Variants in DEFB135 observed in about 807,000 individuals in gnomAD.
The protein encoded by DEFB135 is beta-defensin 135.
DEFB135 carries 14 observed loss-of-function variants against 8.9 expected under a neutral mutation model. The ratio of observed to expected loss-of-function variants is 1.58; its 90% CI spans 1.04 to 2.47. The LOEUF (loss-of-function observed/expected upper bound fraction) is 2.47, where lower values mean the gene tolerates loss of function less well. DEFB135 is among the 30% of genes most tolerant of loss of function. The pLI is 0.00. For missense variants in DEFB135, 135 were observed against 94.2 expected (o/e 1.43, Z -1.79); for synonymous variants, 51 against 34.5 (o/e 1.48, Z -1.67).
intron 1 of DEFB135, among the ~76,000 whole-genome samples, chr8:11,982,996 G>T (rs545394515): frequency 6.6e-6 from 1 of 152,268 alleles, no homozygotes; most frequent in East Asian, 1.9e-4. Flanking sequence ...TCTCAAAACT[G>T]TTTTGCTTGT....
Position 11,982,311 on chromosome 8 carries a change from G to A in DEFB135, c.-10G>A, listed in dbSNP as rs758028817. ...TCCGATGAGTCACAGCTGCTTCTTT[G>A]CTGATTGGTATGGCCACAAGGAGCG... On this transcript the variant is annotated 5_prime_UTR_variant, in exon 1 of 2. Transcript: ENST00000382208. 3 of 1,614,058 alleles carry A rather than the reference G, an allele frequency of 1.9e-6. No individual in the cohort carries two copies. Among genetic ancestry groups the A allele is most frequent in the Non-Finnish European group, 2.5e-6 (3 of 1,180,010 alleles).
chr8:11,982,938 A>G (rs980742899), intron 1 of DEFB135, among the ~76,000 whole-genome samples: 1 of 152,204 alleles, frequency 6.6e-6, no homozygotes, highest in Non-Finnish European at 1.5e-5. Flanking sequence ...AGAAGCCAGC[A>G]ACTTGGTGAT....
intron 1 of DEFB135, among the ~76,000 whole-genome samples, chr8:11,982,894 C>G (rs1284372806): frequency 6.6e-6 from 1 of 152,140 alleles, no homozygotes; most frequent in Non-Finnish European, 1.5e-5. Context: ...TATGAAACAT[C>G]AGTTTGAGAG....
At chr8:11,982,551 T>G (rs1799756255) in intron 1 of DEFB135, among the ~76,000 whole-genome samples, 167 bp downstream of exon 1, 1 of 152,088 alleles carries the variant, frequency 6.6e-6, no homozygotes, top group Non-Finnish European at 1.5e-5. Context: ...GGAGAAAAGA[T>G]CCAAAGGACA....
At position 11,984,453 on chromosome 8, in the gene DEFB135, A is replaced by G. The variant is rs756239255; in HGVS notation, c.97A>G (p.Ile33Val). 26 of 1,569,062 alleles carry G rather than the reference A, an allele frequency of 1.7e-5. No homozygotes were observed. The highest frequency in any genetic ancestry group is 2.3e-5 in the Non-Finnish European group (26 of 1,148,110). ...RSGPNVYIQK[I>V]FASCWRLQGT... ...TGGACCCAATGTCTACATACAAAAA[A>G]TCTTTGCTTCATGTTGGCGACTGCA... Residue 33 changes from isoleucine (I) to valine (V), a missense_variant, in exon 2 of 2, where the codon ATC becomes GTC. Coordinates refer to ENST00000382208, the MANE Select transcript of DEFB135 (RefSeq NM_001033017.3).
chr8:11,982,345 G>A lies in DEFB135; in HGVS notation c.25G>A (p.Ala9Thr). 1.2e-6 allele frequency: 2 copies of A among 1,614,154 alleles called. No homozygotes were observed. Among genetic ancestry groups the A allele is most frequent in the African/African-American group, 1.3e-5 (1 of 75,044 alleles). The change falls in exon 1 of 2, where the codon GCC (alanine) becomes ACC (threonine). Residue 9 changes from alanine to threonine, a missense_variant. Ala to Thr is a moderately conservative substitution (Grantham distance 58, BLOSUM62 0). Transcript: ENST00000382208. ...TATGGCCACAAGGAGCGTCCTCTTG[G>A]CCCTCGTGGTCCTTAACTTACTCTT... MATRSVLL[A>T]LVVLNLLFYV... is the part of the protein sequence containing the mutation.
rs759597375 is a variant in DEFB135 at position 11,982,344 on chromosome 8, G to A, written c.24G>A (p.Leu8=). Residue 8 remains leucine, a synonymous_variant, in exon 1 of 2, where the codon TTG becomes TTA. Coordinates refer to ENST00000382208, the MANE Select transcript of DEFB135 (RefSeq NM_001033017.3). The part of the protein sequence containing the change: MATRSVL[L]ALVVLNLLFY... ...GTATGGCCACAAGGAGCGTCCTCTT[G>A]GCCCTCGTGGTCCTTAACTTACTCT... 6.2e-7 allele frequency: 1 copy of A among 1,614,092 alleles called. No individual in the cohort carries two copies. Among genetic ancestry groups the A allele is most frequent in the Non-Finnish European group, 8.5e-7 (1 of 1,180,020 alleles).
Position 11,984,472 on chromosome 8 carries a change from G to A in DEFB135, c.116G>A (p.Arg39Gln), listed in dbSNP as rs778804110. ...YIQKIFASCWRLQGTCRPKCL... is the reference protein window; with the variant it reads ...YIQKIFASCWQLQGTCRPKCL... ...CAAAAAATCTTTGCTTCATGTTGGC[G>A]ACTGCAAGGTACTTGCCGGCCAAAA... Residue 39 changes from arginine to glutamine, a missense_variant, in exon 2 of 2, where the codon CGA (arginine) becomes CAA (glutamine). Physicochemically the swap from Arg to Gln is conservative, Grantham distance 43. Coordinates refer to ENST00000382208, the MANE Select transcript of DEFB135 (RefSeq NM_001033017.3). The A allele has an allele frequency of 5.7e-6, 9 of 1,571,648 alleles. No individual in the cohort carries two copies. The highest frequency in any genetic ancestry group is 2.3e-5 in the East Asian group (1 of 43,864).
chr8:11,983,692 T>C (rs958129272), intron 1 of DEFB135, among the ~76,000 whole-genome samples: 29 of 152,254 alleles, frequency 1.9e-4, no homozygotes, highest in African/African-American at 7.0e-4. Flanking sequence ...GAGCAGGTGA[T>C]ACAGTAGGGG....
In DEFB135 at chr8:11,983,644, G is replaced by A. The variant is rs114247948; in HGVS notation, c.65-777G>A. Among the ~76,000 whole-genome samples the A allele has an allele frequency of 5.7e-3, 872 of 152,248 alleles. 12 individuals carry two copies. Among genetic ancestry groups the A allele is most frequent in the African/African-American group, 0.02 (834 of 41,548 alleles). ...AGGTTCAATCCATGGACTCATGGGG[G>A]CACCTGGGTGGAGAAACTGATAAGA... On this transcript the variant is annotated intron_variant, in intron 1 of 1. Coordinates refer to ENST00000382208, the MANE Select transcript of DEFB135 (RefSeq NM_001033017.3).
Position 11,984,572 on chromosome 8 carries a change from T to G in DEFB135, c.216T>G (p.Pro72=). Reference sequence around the variant, plus strand: ...GCTGTGTAAACCCAAAATATTTACCTATACTGACTGGGAAATAGTTGTGAG... The same window carrying G: ...GCTGTGTAAACCCAAAATATTTACCGATACTGACTGGGAAATAGTTGTGAG... ...HLCCVNPKYL[P]ILTGK The change falls in exon 2 of 2, where the codon CCT becomes CCG. Residue 72 remains proline, a synonymous_variant. Transcript: ENST00000382208. The G allele has an allele frequency of 6.6e-7, 1 of 1,508,594 alleles. No individual in the cohort carries two copies. Among genetic ancestry groups the G allele is most frequent in the Non-Finnish European group, 9.0e-7 (1 of 1,114,444 alleles). The allele number at this position is 1,508,594 out of a possible 1,614,324, so 93.5% of individuals were successfully genotyped here.
intron 1 of DEFB135, among the ~76,000 whole-genome samples, 184 bp from the exon 2 acceptor site, chr8:11,984,237 C>A (rs983506541): frequency 6.6e-6 from 1 of 152,120 alleles, no homozygotes; most frequent in Non-Finnish European, 1.5e-5. Flanking sequence ...TATAATAGGG[C>A]CCCTGGAAAA....
Position 11,984,548 on chromosome 8 carries a change from C to A in DEFB135, c.192C>A (p.Cys64Ter), listed in dbSNP as rs777667474. Residue 64 changes from cysteine to a stop codon, truncating the protein, a stop_gained, in exon 2 of 2, where the codon TGC (cysteine) becomes TGA (stop). Coordinates refer to ENST00000382208, the MANE Select transcript of DEFB135 (RefSeq NM_001033017.3). LOFTEE classifies it high-confidence loss of function. ...YRILCDTIHL[C>*]CVNPKYLPIL... is the part of the protein sequence containing the mutation. ...TTTTGTGTGATACTATACATTTGTGCTGTGTAAACCCAAAATATTTACCTA... is the reference window on the plus strand; with the variant it reads ...TTTTGTGTGATACTATACATTTGTGATGTGTAAACCCAAAATATTTACCTA... The A allele has an allele frequency of 2.6e-6, 4 of 1,552,072 alleles. No homozygotes were observed. The highest frequency in any genetic ancestry group is 3.5e-5 in the Admixed American group (2 of 57,144).
chr8:11,983,620 G>A (rs1386001574), intron 1 of DEFB135, among the ~76,000 whole-genome samples: 10 of 152,034 alleles, frequency 6.6e-5, no homozygotes, highest in East Asian at 1.9e-4. Flanking sequence ...ACACCACAAA[G>A]GTTCAATCCA....
In DEFB135 at chr8:11,984,580, C is replaced by G; in HGVS notation, c.224C>G (p.Thr75Ser). ...AACCCAAAATATTTACCTATACTGA[C>G]TGGGAAATAGTTGTGAGTACCTGAA... ...CVNPKYLPIL[T>S]GK Residue 75 changes from threonine to serine, a missense_variant, in exon 2 of 2, where the codon ACT (threonine) becomes AGT (serine). Transcript: ENST00000382208. 6.7e-7 allele frequency: 1 copy of G among 1,499,388 alleles called. No homozygotes were observed. Among genetic ancestry groups the G allele is most frequent in the Non-Finnish European group, 9.0e-7 (1 of 1,108,890 alleles). 92.9% of individuals were successfully genotyped at this position (1,499,388 alleles called of 1,614,324 possible).
At chr8:11,984,282 A>C (rs1186160666) in intron 1 of DEFB135, 139 bp from the exon 2 acceptor site, 1 of 624,530 alleles carries the variant, frequency 1.6e-6, no homozygotes, top group Admixed American at 3.8e-5. Context: ...GCATCCAGCT[A>C]TAAAATGTCT....
In DEFB135 at chr8:11,984,480, G is replaced by A; in HGVS notation, c.124G>A (p.Gly42Ser). The change falls in exon 2 of 2, where the codon GGT becomes AGT. Residue 42 changes from glycine (G) to serine (S), a missense_variant. Physicochemically the swap from Gly to Ser is moderately conservative, Grantham distance 56. Coordinates refer to ENST00000382208, the MANE Select transcript of DEFB135 (RefSeq NM_001033017.3). ...KIFASCWRLQ[G>S]TCRPKCLKNE... ...CTTTGCTTCATGTTGGCGACTGCAAGGTACTTGCCGGCCAAAATGTCTAAA... is the reference window on the plus strand; with the variant it reads ...CTTTGCTTCATGTTGGCGACTGCAAAGTACTTGCCGGCCAAAATGTCTAAA... The A allele has an allele frequency of 6.3e-7, 1 of 1,579,170 alleles. No homozygotes were observed. The highest frequency in any genetic ancestry group is 8.7e-7 in the Non-Finnish European group (1 of 1,154,502).
rs765938935 is a variant in DEFB135 at position 11,984,419 on chromosome 8, A to T, written c.65-2A>T. 2 of 1,528,224 alleles carry T rather than the reference A, an allele frequency of 1.3e-6. No homozygotes were observed. The highest frequency in any genetic ancestry group is 1.8e-6 in the Non-Finnish European group (2 of 1,124,590). The allele number at this position is 1,528,224 out of a possible 1,614,324, so 94.7% of individuals were successfully genotyped here. On this transcript the variant is annotated splice_acceptor_variant, in intron 1 of 1. Coordinates refer to ENST00000382208, the MANE Select transcript of DEFB135 (RefSeq NM_001033017.3). LOFTEE classifies it high-confidence loss of function. ...TGCATTAACCTTTGTTTCTCTTGGC[A>T]GGTAGAAGTGGACCCAATGTCTACA...
chr8:11,982,362 C>G lies in DEFB135; in HGVS notation c.42C>G (p.Asn14Lys), dbSNP rs201414504. ...TCCTCTTGGCCCTCGTGGTCCTTAA[C>G]TTACTCTTCTATGTTCCACCAGGTA... The part of the protein sequence containing the change: ...RSVLLALVVL[N>K]LLFYVPPGRS... Residue 14 changes from asparagine to lysine, a missense_variant, in exon 1 of 2, where the codon AAC becomes AAG. Transcript: ENST00000382208. The G allele has an allele frequency of 1.1e-5, 17 of 1,614,140 alleles. No individual in the cohort carries two copies. In the East Asian group the frequency reaches 3.8e-4, roughly 36 times the overall value.
Sources: gnomAD v4.1 joint callset for allele counts (sites outside exome capture counted in the v4.1 genomes callset) on GRCh38, gnomAD v4.1.1 for gene constraint, MANE v1.5 for transcripts, NCBI Gene and HGNC (gene_info 2026-07-23, HGNC 2026-07-21) for gene names.